MGAT1: variants seen among roughly 807,000 people sequenced by gnomAD.
The protein encoded by MGAT1 is N-glycosyl-oligosaccharide-glycoprotein N-acetylglucosaminyltransferase I.
In MGAT1, 14 loss-of-function variants were observed where a neutral mutation model predicts 31.7. The ratio of observed to expected loss-of-function variants is 0.44; its 90% CI spans 0.29 to 0.69. MGAT1 has a LOEUF of 0.69. Ranked by LOEUF, MGAT1 falls within the 30% of genes least tolerant of loss-of-function variation. MGAT1 has a pLI of 0.12. For synonymous variants in MGAT1, 338 were observed against 276.0 expected (o/e 1.22, Z -2.23); for missense variants, 557 against 626.0 (o/e 0.89, Z 1.18).
chr5:180,792,128 T>C lies in MGAT1; in HGVS notation c.844A>G (p.Lys282Glu), dbSNP rs1483749733. The C allele has an allele frequency of 6.2e-6, 10 of 1,613,104 alleles. No homozygotes were observed. The African/African-American group carries it at 1.2e-4, about 19-fold the overall frequency. ...TCGTCCCAGAAGGCCTTTGGCCACT[T>C]GGGCTCCAGCTCAGCCCAGAGCTCG... The part of the protein sequence containing the change: ...LAELWAELEP[K>E]WPKAFWDDWM... Residue 282 changes from lysine (K) to glutamate (E), a missense_variant, in exon 2 of 2, where the codon AAG becomes GAG. Lys to Glu is a moderately conservative substitution (Grantham distance 56). Transcript: ENST00000307826.
At chr5:180,800,254 G>A (rs1213410651) in intron 1 of MGAT1, among the ~76,000 whole-genome samples, 1 of 152,190 alleles carries the variant, frequency 6.6e-6, no homozygotes, top group African/African-American at 2.4e-5. Flanking sequence ...CTCCACTCAT[G>A]TCTCCTTCCT....
upstream of MGAT1, chr5:180,803,814 A>G (rs1329652425): frequency 6.6e-6 from 1 of 152,366 alleles, no homozygotes; most frequent in Non-Finnish European, 1.5e-5. Context: ...CTGTCTCACC[A>G]TGGGACCCCA....
intron 1 of MGAT1, among the ~76,000 whole-genome samples, chr5:180,799,074 C>T (rs1303733438): frequency 1.3e-5 from 2 of 152,172 alleles, no homozygotes; most frequent in African/African-American, 4.8e-5. Context: ...CTCTCACAAA[C>T]CTTCCCAACA....
At chr5:180,797,703 A>AG (rs1769775663) in intron 1 of MGAT1, among the ~76,000 whole-genome samples, 1 of 146,838 alleles carries the variant, frequency 6.8e-6, no homozygotes, top group African/African-American at 2.5e-5. Context: ...CAGAGCCCAC[A>AG]GGAAAAGCTG....
chr5:180,804,609 A>T (rs573880668), upstream of MGAT1, among the ~76,000 whole-genome samples: 1 of 152,374 alleles, frequency 6.6e-6, no homozygotes, highest in Non-Finnish European at 1.5e-5. Flanking sequence ...TGGAGGAGTC[A>T]GGGGCCTGGG....
chr5:180,792,397 G>A lies in MGAT1; in HGVS notation c.575C>T (p.Ala192Val), dbSNP rs1205425651. The change falls in exon 2 of 2, where the codon GCG (alanine) becomes GTG (valine). Residue 192 changes from alanine (A) to valine (V), a missense_variant. Ala to Val is a moderately conservative substitution (Grantham distance 64). Coordinates refer to ENST00000307826, the MANE Select transcript of MGAT1 (RefSeq NM_002406.4). ...YYKIARHYRW[A>V]LGQVFRQFRF... ...AAACTGCCGGAAGACCTGGCCCAGC[G>A]CCCAGCGGTAGTGGCGCGCGATCTT... The A allele has an allele frequency of 1.9e-6, 3 of 1,610,548 alleles. No individual in the cohort carries two copies. Among genetic ancestry groups the A allele is most frequent in the Non-Finnish European group, 2.5e-6 (3 of 1,177,850 alleles).
rs966284349 is a variant in MGAT1, at chr5:180,789,834, G to C, written c.*1800C>G. On this transcript the variant is annotated 3_prime_UTR_variant, in exon 2 of 2. Transcript: ENST00000307826. ...GTAGAGTATTTTTAGGTTTCACCAT[G>C]TTGGCCAGGATGGTCCCGAACTCCT... is the stretch of plus-strand genomic sequence containing the variant. 2 of 151,818 alleles carry C rather than the reference G, an allele frequency of 1.3e-5. No individual in the cohort carries two copies. Among genetic ancestry groups the C allele is most frequent in the East Asian group, 3.9e-4 (2 of 5,154 alleles). 9.4% of individuals were successfully genotyped at this position (151,818 alleles called of 1,614,324 possible).
In MGAT1 at chr5:180,792,396, C is replaced by A. The variant is rs1343751522; in HGVS notation, c.576G>T (p.Ala192=). 2 of 1,610,018 alleles carry A rather than the reference C, an allele frequency of 1.2e-6. No homozygotes were observed. Among genetic ancestry groups the A allele is most frequent in the Non-Finnish European group, 1.7e-6 (2 of 1,177,632 alleles). The change falls in exon 2 of 2, where the codon GCG becomes GCT. Residue 192 remains alanine (A), a synonymous_variant. Transcript: ENST00000307826. The part of the protein sequence containing the change: ...YYKIARHYRW[A]LGQVFRQFRF... ...GAAACTGCCGGAAGACCTGGCCCAG[C>A]GCCCAGCGGTAGTGGCGCGCGATCT...
chr5:180,808,737 C>A (rs11544558), exon 2 of MGAT1: 16,020 of 152,322 alleles, frequency 0.11, 982 homozygotes, highest in South Asian at 0.21. Flanking sequence ...CAAATCAGAT[C>A]CACCAAAGTG....
chr5:180,808,178 A>C lies in MGAT1; in HGVS notation c.-127+470T>G, dbSNP rs564123239. Among the ~76,000 whole-genome samples, 7 of 152,178 alleles carry C rather than the reference A, an allele frequency of 4.6e-5. No individual in the cohort carries two copies. In the South Asian group the frequency reaches 1.5e-3, roughly 32 times the overall value. ...TTCATGGGCTAAGCTCCCCTTATAG[A>C]AGTAGGAAGGGAGACAACTTAGGAG... On this transcript the variant is annotated intron_variant, in intron 2 of 2. Transcript: ENST00000333055.
intron 1 of MGAT1, among the ~76,000 whole-genome samples, chr5:180,799,918 C>A (rs78981792): frequency 0.073 from 11,054 of 152,154 alleles, 592 homozygotes; most frequent in South Asian, 0.2. Flanking sequence ...ATGGACAGGA[C>A]CCCCATAGGT....
Position 180,785,625 on chromosome 5 carries a change from G to C in MGAT1, c.*6009C>G, listed in dbSNP as rs577678027. ...AGAACCAGGAAGAGGCTGTCTCCCTGCCATGACCTAATCTAGCAGCCACAC... is the reference window on the plus strand; with the variant it reads ...AGAACCAGGAAGAGGCTGTCTCCCTCCCATGACCTAATCTAGCAGCCACAC... On this transcript the variant is annotated 3_prime_UTR_variant, in exon 2 of 2. Transcript: ENST00000307826. 6.6e-6 allele frequency: 1 copy of C among 152,426 alleles called. No homozygotes were observed. The highest frequency in any genetic ancestry group is 1.9e-4 in the East Asian group (1 of 5,188). 9.4% of individuals were successfully genotyped at this position (152,426 alleles called of 1,614,324 possible).
rs144324080 is a variant in MGAT1 at position 180,814,713 on chromosome 5, G to A, written c.-546+701C>T. Among the ~76,000 whole-genome samples, 685 of 152,158 alleles carry A rather than the reference G, an allele frequency of 4.5e-3. 5 individuals are homozygous for A. The highest frequency in any genetic ancestry group is 0.015 in the African/African-American group (604 of 41,492). On this transcript the variant is annotated intron_variant, in intron 1 of 2. Transcript: ENST00000333055. ...TCTCAGCACTTTGGGAGGCTGAGGC[G>A]GGTGGGTCATGAGGTCAGGAGTTGA...
rs1366660758 is a variant in MGAT1 at position 180,792,450 on chromosome 5, C to T, written c.522G>A (p.Pro174=). The change falls in exon 2 of 2, where the codon CCG becomes CCA. Residue 174 remains proline (P), a synonymous_variant. Coordinates refer to ENST00000307826, the MANE Select transcript of MGAT1 (RefSeq NM_002406.4). ...AGTAGCCCTGGAACTTGCGGTGGTC[C>T]GGCGGCACCGCAATGCTGCTCAGGT... ...QPDLSSIAVP[P]DHRKFQGYYK... 1.9e-6 allele frequency: 3 copies of T among 1,612,262 alleles called. No homozygotes were observed. Among genetic ancestry groups the T allele is most frequent in the East Asian group, 2.2e-5 (1 of 44,852 alleles).
In MGAT1 at chr5:180,791,440, C is replaced by T. The variant is rs1768061052; in HGVS notation, c.*194G>A. On this transcript the variant is annotated 3_prime_UTR_variant, in exon 2 of 2. Coordinates refer to ENST00000307826, the MANE Select transcript of MGAT1 (RefSeq NM_002406.4). ...CCCGCAACATACCCTAGAATAGTTC[C>T]CCTGATCTGACTCCCTTGAGAACGG... 3 of 707,964 alleles carry T rather than the reference C, an allele frequency of 4.2e-6. No homozygotes were observed. The highest frequency in any genetic ancestry group is 2.9e-5 in the Admixed American group (1 of 34,104). The allele number at this position is 707,964 out of a possible 1,614,324, so 43.9% of individuals were successfully genotyped here. A position where few individuals can be genotyped will look rare whatever the true frequency, so the allele number is the denominator to read the frequency against.
intron 1 of MGAT1, chr5:180,810,839 A>G (rs1339843269): frequency 6.6e-6 from 1 of 152,296 alleles, no homozygotes; most frequent in Non-Finnish European, 1.5e-5. Context: ...TTGACGAGGC[A>G]GGGCCCTTGC....
chr5:180,805,985 AT>A (rs756955492), upstream of MGAT1, among the ~76,000 whole-genome samples: 2 of 152,098 alleles, frequency 1.3e-5, no homozygotes, highest in Non-Finnish European at 2.9e-5. Flanking sequence ...TAAATAATTA[AT>A]TGAGTTAAAA....
At chr5:180,806,204 T>C (rs1326901989), upstream of MGAT1, among the ~76,000 whole-genome samples, 2 of 152,042 alleles carry the variant, frequency 1.3e-5, no homozygotes, top group Non-Finnish European at 2.9e-5. Context: ...GGGAATAGCT[T>C]GAACCCAGGA....
chr5:180,813,131 A>G (rs1422914444), intron 1 of MGAT1, among the ~76,000 whole-genome samples: 1 of 151,912 alleles, frequency 6.6e-6, no homozygotes, highest in African/African-American at 2.4e-5. Flanking sequence ...TCGTGTCGAA[A>G]GGTGTGCTCA....
Sources: allele counts gnomAD v4.1 joint callset (sites outside exome capture counted in the v4.1 genomes callset), GRCh38; gene constraint gnomAD v4.1.1; transcripts MANE v1.5; gene names NCBI Gene and HGNC (gene_info 2026-07-23, HGNC 2026-07-21).